UBE3D: variants seen among roughly 807,000 people sequenced by gnomAD.
The protein encoded by UBE3D is E3 ubiquitin-protein ligase E3D.
A neutral mutation model predicts 49.6 loss-of-function variants in UBE3D; 48 were observed. That is an observed-to-expected ratio of 0.97 (90% CI 0.77 to 1.23). The LOEUF (loss-of-function observed/expected upper bound fraction) is 1.23. Among genes scored for constraint, UBE3D ranks in the 50% most tolerant of loss-of-function variants. The pLI is 0.00. For missense variants in UBE3D, 452 were observed against 468.4 expected, an observed-to-expected ratio of 0.96 and a Z score of 0.32; for synonymous variants, 189 against 174.2, an observed-to-expected ratio of 1.08 and a Z score of -0.67.
At chr6:82,977,215 CTT>C (rs1036873894) in intron 8 of UBE3D, among the ~76,000 whole-genome samples, 1 of 149,934 alleles carries the variant, frequency 6.7e-6, no homozygotes, top group Non-Finnish European at 1.5e-5. Context: ...CTTTTGATCA[CTT>C]TATAAATGTC....
intron 9 of UBE3D, among the ~76,000 whole-genome samples, chr6:82,912,102 C>T (rs1002749877): frequency 1.3e-5 from 2 of 151,990 alleles, no homozygotes; most frequent in Non-Finnish European, 2.9e-5. Context: ...CATTCTTTGG[C>T]TCCAACAGAG....
intron 8 of UBE3D, among the ~76,000 whole-genome samples, chr6:83,006,144 G>T (rs531508901): frequency 6.6e-6 from 1 of 152,226 alleles, no homozygotes; most frequent in African/African-American, 2.4e-5. Context: ...AGAACCACTT[G>T]AACTTGGGAG....
chr6:83,026,539 T>TA (rs879418539), intron 5 of UBE3D, among the ~76,000 whole-genome samples: 4 of 151,796 alleles, frequency 2.6e-5, no homozygotes, highest in Non-Finnish European at 4.4e-5. Context: ...CACAGAAAGG[T>TA]AAAAAAAATA....
chr6:82,915,364 A>G (rs1772842910), intron 9 of UBE3D, among the ~76,000 whole-genome samples: 1 of 152,216 alleles, frequency 6.6e-6, no homozygotes, highest in Non-Finnish European at 1.5e-5. Flanking sequence ...TCGCTCTTAC[A>G]GATTCCATTA....
chr6:82,947,568 T>C (rs1431776762), intron 9 of UBE3D, among the ~76,000 whole-genome samples: 1 of 152,032 alleles, frequency 6.6e-6, no homozygotes, highest in African/African-American at 2.4e-5. Flanking sequence ...ACAATACATA[T>C]TCTTCTCAGC....
the UBE3D span, among the ~76,000 whole-genome samples, chr6:82,881,675 G>C: frequency 6.6e-6 from 1 of 152,080 alleles, no homozygotes; most frequent in South Asian, 2.1e-4. Context: ...TGAAAAAAAG[G>C]CCCTCTTCTC....
chr6:83,021,854 G>A (rs1224851254), intron 7 of UBE3D, among the ~76,000 whole-genome samples: 1 of 151,518 alleles, frequency 6.6e-6, no homozygotes, highest in Non-Finnish European at 1.5e-5. Flanking sequence ...GAGCGACAGA[G>A]TGATACTCCA....
At chr6:82,981,317 C>T (rs552080896) in intron 8 of UBE3D, among the ~76,000 whole-genome samples, 147 of 152,176 alleles carry the variant, frequency 9.7e-4, no homozygotes, top group African/African-American at 3.5e-3. Context: ...ACACAGCATA[C>T]AGGATAGGTT....
intron 1 of UBE3D, among the ~76,000 whole-genome samples, chr6:83,058,873 T>C (rs1383165691): frequency 2.0e-5 from 3 of 152,228 alleles, no homozygotes; most frequent in Non-Finnish European, 4.4e-5. Context: ...ATATTAAGCA[T>C]CTGAGTTTTT....
At chr6:83,053,079 T>C (rs1421610741) in intron 3 of UBE3D, among the ~76,000 whole-genome samples, 2 of 152,270 alleles carry the variant, frequency 1.3e-5, no homozygotes, top group South Asian at 2.1e-4. Flanking sequence ...AGGCTTTGAA[T>C]GTGGCCCAAC....
At chr6:82,937,528 G>T (rs1039209326) in intron 9 of UBE3D, among the ~76,000 whole-genome samples, 1 of 152,140 alleles carries the variant, frequency 6.6e-6, no homozygotes, top group South Asian at 2.1e-4. Context: ...CTCAGTGTGT[G>T]GGAAAGAACG....
intron 9 of UBE3D, among the ~76,000 whole-genome samples, chr6:82,924,450 GAATT>G (rs1773596941): frequency 6.6e-6 from 1 of 152,072 alleles, no homozygotes; most frequent in Admixed American, 6.6e-5. Flanking sequence ...ATAAAAACTA[GAATT>G]TATTATGACA....
intron 5 of UBE3D, among the ~76,000 whole-genome samples, chr6:83,031,182 A>AT (rs374781680): frequency 2.0e-5 from 3 of 152,052 alleles, no homozygotes; most frequent in Non-Finnish European, 4.4e-5. Context: ...TAATATTTGT[A>AT]TTTTTTGGTA....
At chr6:82,922,914 T>G (rs2127736994) in intron 9 of UBE3D, among the ~76,000 whole-genome samples, 1 of 152,298 alleles carries the variant, frequency 6.6e-6, no homozygotes, top group South Asian at 2.1e-4. Context: ...GAACAGACAC[T>G]TCTCAAAAGA....
intron 9 of UBE3D, among the ~76,000 whole-genome samples, chr6:82,951,653 T>C (rs1176021257): frequency 2.0e-5 from 3 of 152,090 alleles, no homozygotes; most frequent in Non-Finnish European, 2.9e-5. Flanking sequence ...AGTGGATGAG[T>C]GCCAGTTGAA....
intron 8 of UBE3D, among the ~76,000 whole-genome samples, chr6:82,991,779 T>C (rs1184801132): frequency 1.3e-5 from 2 of 152,334 alleles, no homozygotes; most frequent in Non-Finnish European, 2.9e-5. Context: ...AACCATCTTC[T>C]GACCATTTCC....
chr6:82,983,333 A>G (rs1014955636), intron 8 of UBE3D, among the ~76,000 whole-genome samples: 2 of 151,960 alleles, frequency 1.3e-5, no homozygotes, highest in Admixed American at 6.6e-5. Context: ...ATAATGTTTG[A>G]TAACTTCTTT....
At chr6:83,020,349 T>TTTTTTTTGTTTG (rs1283621710) in intron 7 of UBE3D, among the ~76,000 whole-genome samples, 4 of 141,332 alleles carry the variant, frequency 2.8e-5, no homozygotes, top group African/African-American at 1.2e-4. Flanking sequence ...CTGTTTTTTT[T>TTTTTTTTGTTTG]TTTTTTTTTA....
At chr6:82,991,569 T>C (rs1052369822) in intron 8 of UBE3D, among the ~76,000 whole-genome samples, 1 of 152,176 alleles carries the variant, frequency 6.6e-6, no homozygotes, top group East Asian at 1.9e-4. Flanking sequence ...AAATGAAGAA[T>C]AGATGACAAT....
Sources: allele counts gnomAD v4.1 joint callset (sites outside exome capture counted in the v4.1 genomes callset), GRCh38; gene constraint gnomAD v4.1.1; transcripts MANE v1.5; gene names NCBI Gene and HGNC (gene_info 2026-07-23, HGNC 2026-07-21).